NLRP11: variants seen among roughly 807,000 people sequenced by gnomAD.
NLRP11 encodes the protein NACHT, LRR and PYD domains-containing protein 11.
Under a neutral mutation model 79.3 loss-of-function variants are expected in NLRP11, and 53 were observed. The ratio of observed to expected loss-of-function variants is 0.67; its 90% CI spans 0.54 to 0.84. The LOEUF (loss-of-function observed/expected upper bound fraction) is 0.84, where lower values mean the gene tolerates loss of function less well. Among genes scored for constraint, NLRP11 ranks in the 40% least tolerant of loss-of-function variants. The pLI, the probability that NLRP11 is intolerant of heterozygous loss-of-function variation, is 0.00. For missense variants in NLRP11, 1,264 were observed against 1,255.0 expected (o/e 1.01, Z -0.11); for synonymous variants, 518 against 462.6 (o/e 1.12, Z -1.54).
chr19:55,817,666 G>T (rs1344782440), intron 2 of NLRP11, among the ~76,000 whole-genome samples: 1 of 152,066 alleles, frequency 6.6e-6, no homozygotes, highest in Non-Finnish European at 1.5e-5. Flanking sequence ...ACAGGGACTC[G>T]GCGGGAAGTG....
At chr19:55,814,507 C>T (rs1052808197) in intron 2 of NLRP11, among the ~76,000 whole-genome samples, 2 of 151,936 alleles carry the variant, frequency 1.3e-5, no homozygotes, top group African/African-American at 2.4e-5. Context: ...ACAAGCTATA[C>T]ATTTTGGACA....
intron 1 of NLRP11, 32 bp from the exon 2 acceptor site, chr19:55,818,268 C>G: frequency 1.0e-6 from 1 of 990,602 alleles, no homozygotes; most frequent in Non-Finnish European, 1.5e-6. Flanking sequence ...GACAATCAAA[C>G]CACACAGTAA....
At chr19:55,812,121 AT>A (rs1362332526) in intron 2 of NLRP11, among the ~76,000 whole-genome samples, 1 of 151,462 alleles carries the variant, frequency 6.6e-6, no homozygotes, top group African/African-American at 2.4e-5. Flanking sequence ...CAAAAGTAAA[AT>A]TAAAAAAAAA....
intron 9 of NLRP11, among the ~76,000 whole-genome samples, chr19:55,786,524 A>G (rs1242948177): frequency 6.8e-6 from 1 of 146,256 alleles, no homozygotes; most frequent in African/African-American, 2.5e-5. Flanking sequence ...CTAACTAGAA[A>G]AAAAAAAAAT....
At chr19:55,788,901 T>C (rs751906154) in exon 9 of NLRP11, 37 of 1,613,946 alleles carry the variant, frequency 2.3e-5, no homozygotes, top group Non-Finnish European at 3.0e-5. Context: ...AAGTTGAGTC[T>C]TTCTAGTGTT....
At chr19:55,833,116 G>T (rs1207985079), upstream of NLRP11, among the ~76,000 whole-genome samples, 4 of 151,962 alleles carry the variant, frequency 2.6e-5, no homozygotes, top group African/African-American at 4.8e-5. Context: ...GCAGTTCCAA[G>T]AAAAATATAA....
upstream of NLRP11, among the ~76,000 whole-genome samples, chr19:55,834,039 A>G (rs181734692): frequency 4.6e-3 from 694 of 152,258 alleles, 5 homozygotes; most frequent in African/African-American, 0.016. Flanking sequence ...AAACTCTATC[A>G]TATTTTAAAA....
At chr19:55,804,446 T>C (rs2122787515) in intron 4 of NLRP11, among the ~76,000 whole-genome samples, 1 of 152,180 alleles carries the variant, frequency 6.6e-6, no homozygotes, top group East Asian at 1.9e-4. Flanking sequence ...AGCATTTTTT[T>C]TTTTTGGCGG....
At chr19:55,810,193 G>C (rs1980468237) in exon 3 of NLRP11, 1 of 1,613,938 alleles carries the variant, frequency 6.2e-7, no homozygotes, top group Non-Finnish European at 8.5e-7. Context: ...AATAATAGCT[G>C]GTAGAATCAT....
chr19:55,797,617 G>A (rs1181372964), intron 5 of NLRP11, among the ~76,000 whole-genome samples: 1 of 152,198 alleles, frequency 6.6e-6, no homozygotes, highest in East Asian at 1.9e-4. Flanking sequence ...GAAAGAAAAG[G>A]ATGTATTCTA....
rs1372071200 is a variant in NLRP11 at position 55,823,375 on chromosome 19, C to T, written c.-62-5139G>A. On this transcript the variant is annotated intron_variant, in intron 1 of 9. Coordinates refer to ENST00000589093, the Ensembl canonical transcript of NLRP11. ...GAGTGTCTCTCCTCCTCCAAAGGAACGCAGTTCCTCCCCAGAAACGGAACA... is the reference window on the plus strand; with the variant it reads ...GAGTGTCTCTCCTCCTCCAAAGGAATGCAGTTCCTCCCCAGAAACGGAACA... Among the ~76,000 whole-genome samples the T allele has an allele frequency of 8.1e-5, 11 of 136,226 alleles. 1 individual carries two copies. The highest frequency in any genetic ancestry group is 1.8e-4 in the African/African-American group (6 of 33,010). 89.4% of individuals were successfully genotyped at this position (136,226 alleles called of 152,430 possible).
intron 2 of NLRP11, among the ~76,000 whole-genome samples, chr19:55,816,511 A>G: frequency 6.6e-6 from 1 of 152,184 alleles, no homozygotes; most frequent in East Asian, 1.9e-4. Context: ...TTCAATTGGA[A>G]TACATGATTT....
chr19:55,798,674 A>C (rs1438329312), intron 5 of NLRP11, among the ~76,000 whole-genome samples: 1 of 152,194 alleles, frequency 6.6e-6, no homozygotes, highest in Non-Finnish European at 1.5e-5. Context: ...AACTAAAAAG[A>C]GTTAAGTCTA....
intron 1 of NLRP11, among the ~76,000 whole-genome samples, chr19:55,821,122 C>T (rs1343699760): frequency 6.6e-6 from 1 of 150,574 alleles, no homozygotes; most frequent in Non-Finnish European, 1.5e-5. Context: ...AAGCAGTGAG[C>T]CAATTTTCTC....
At chr19:55,817,995 A>G (rs562171372) in exon 2 of NLRP11, 3 of 1,613,614 alleles carry the variant, frequency 1.9e-6, no homozygotes, top group African/African-American at 2.7e-5. Flanking sequence ...ACTGTCCCTC[A>G]TAAGAGATTG....
chr19:55,813,536 A>G (rs1304143388), intron 2 of NLRP11, among the ~76,000 whole-genome samples: 1 of 152,214 alleles, frequency 6.6e-6, no homozygotes, highest in African/African-American at 2.4e-5. Flanking sequence ...TACTACTGCG[A>G]TATGTCGAGC....
upstream of NLRP11, among the ~76,000 whole-genome samples, chr19:55,834,517 G>A (rs987657968): frequency 1.3e-5 from 2 of 152,150 alleles, no homozygotes; most frequent in Non-Finnish European, 2.9e-5. Context: ...GCAGCTATGG[G>A]GATATTCAAC....
rs1255662061 is a variant in NLRP11, at chr19:55,789,379, C to T, written c.2534G>A (p.Ser845Asn). The T allele has an allele frequency of 2.5e-6, 4 of 1,613,384 alleles. No individual in the cohort carries two copies. In the African/African-American group the frequency reaches 5.3e-5, roughly 22 times the overall value. The change falls in exon 8 of 10, where the codon AGC becomes AAC. Residue 845 changes from serine (S) to asparagine (N), a missense_variant. By Grantham distance (46) the Ser-to-Asn change is conservative (BLOSUM62 1). Transcript: ENST00000589093. The stretch of plus-strand genomic sequence containing the variant: ...GGCAATATATTGACAGATATCGCTG[C>T]TAAAGAAACAGCCAGACAGACTGCA...
chr19:55,795,521 GCT>G (rs1978747511), intron 6 of NLRP11, among the ~76,000 whole-genome samples: 1 of 151,630 alleles, frequency 6.6e-6, no homozygotes, highest in Non-Finnish European at 1.5e-5. Context: ...ACAGAGCCTC[GCT>G]CTGTCACCCA....
Sources: gnomAD v4.1 joint callset for allele counts (sites outside exome capture counted in the v4.1 genomes callset) on GRCh38, gnomAD v4.1.1 for gene constraint, MANE v1.5 for transcripts, NCBI Gene and HGNC (gene_info 2026-07-23, HGNC 2026-07-21) for gene names.